Variants in DGKB observed in about 807,000 individuals in gnomAD.
DGKB encodes 90 kDa diacylglycerol kinase.
Under a neutral mutation model 114.3 loss-of-function variants are expected in DGKB, and 67 were observed. That is an observed-to-expected ratio of 0.59 (90% CI 0.48 to 0.72). The LOEUF (loss-of-function observed/expected upper bound fraction) is 0.72, where lower values mean the gene tolerates loss of function less well. Ranked by LOEUF, DGKB falls within the 30% of genes least tolerant of loss-of-function variation. The probability of loss-of-function intolerance (pLI) is 0.00; values close to 1 mark genes in which losing one functional copy is unlikely to be tolerated. For missense variants in DGKB, 907 were observed against 975.2 expected (o/e 0.93, Z 0.93); for synonymous variants, 398 against 323.1 (o/e 1.23, Z -2.49).
chr7:14,815,601 G>T (rs911912845), intron 2 of DGKB, among the ~76,000 whole-genome samples: 2 of 152,220 alleles, frequency 1.3e-5, no homozygotes, highest in African/African-American at 4.8e-5. Flanking sequence ...CTGACAAAGA[G>T]TTATGTGCCT....
chr7:14,942,985 C>A (rs533617730), intron 1 of DGKB, among the ~76,000 whole-genome samples: 1 of 151,678 alleles, frequency 6.6e-6, no homozygotes, highest in Non-Finnish European at 1.5e-5. Flanking sequence ...TCTTTGAGTA[C>A]AGGGATGTAG....
At chr7:14,652,236 C>G (rs1325435882) in intron 13 of DGKB, among the ~76,000 whole-genome samples, 1 of 152,012 alleles carries the variant, frequency 6.6e-6, no homozygotes, top group African/African-American at 2.4e-5. Context: ...ATCACACTAC[C>G]TGACTTCAAA....
At chr7:14,230,226 C>CAAAT (rs952923009) in intron 23 of DGKB, among the ~76,000 whole-genome samples, 2 of 151,960 alleles carry the variant, frequency 1.3e-5, no homozygotes, top group African/African-American at 4.8e-5. Flanking sequence ...TTTTACTTGG[C>CAAAT]AAATACACAC....
intron 23 of DGKB, among the ~76,000 whole-genome samples, chr7:14,247,847 T>C (rs1794703557): frequency 6.6e-6 from 1 of 152,162 alleles, no homozygotes; most frequent in Admixed American, 6.5e-5. Flanking sequence ...GATTTTTAGT[T>C]TGATGCAATA....
intron 2 of DGKB, among the ~76,000 whole-genome samples, chr7:14,797,556 C>T (rs1386110894): frequency 6.6e-6 from 1 of 152,066 alleles, no homozygotes; most frequent in Non-Finnish European, 1.5e-5. Context: ...CAGGCTTTTT[C>T]AGAGGCTCTC....
intron 20 of DGKB, among the ~76,000 whole-genome samples, chr7:14,547,881 G>A (rs972339933): frequency 6.6e-6 from 1 of 152,190 alleles, no homozygotes; most frequent in African/African-American, 2.4e-5. Context: ...CTACATCCTG[G>A]AGCATTTTTT....
In DGKB at chr7:14,872,304, C is replaced by T. The variant is rs541793224; in HGVS notation, c.-188+30288G>A. 5.0e-4 allele frequency among the ~76,000 whole-genome samples: 76 copies of T among 152,294 alleles called. No homozygotes were observed. In the South Asian group the frequency reaches 0.015, roughly 30 times the overall value. On this transcript the variant is annotated intron_variant, in intron 1 of 25. Transcript: ENST00000402815. ...TACCTGCTACCACTAGCAACAATCA[C>T]AAATAAATGATTAAAACATTTTGCT...
intron 23 of DGKB, among the ~76,000 whole-genome samples, chr7:14,325,948 T>C (rs940047099): frequency 3.3e-5 from 5 of 152,148 alleles, no homozygotes; most frequent in Non-Finnish European, 7.4e-5. Context: ...TATTTAATCA[T>C]TGTTTAAAAT....
intron 23 of DGKB, among the ~76,000 whole-genome samples, chr7:14,247,678 A>G (rs1432702495): frequency 6.6e-6 from 1 of 151,654 alleles, no homozygotes; most frequent in Non-Finnish European, 1.5e-5. Context: ...GGTCTTTGCA[A>G]ATTTTTTAAT....
chr7:14,330,875 A>T (rs1809606273), intron 23 of DGKB, among the ~76,000 whole-genome samples: 1 of 152,012 alleles, frequency 6.6e-6, no homozygotes, highest in South Asian at 2.1e-4. Flanking sequence ...AGGATAGCCA[A>T]ACAAAGGATA....
intron 1 of DGKB, among the ~76,000 whole-genome samples, chr7:14,869,826 G>A (rs1852197705): frequency 6.6e-6 from 1 of 151,870 alleles, no homozygotes. Flanking sequence ...AGTCAGTATT[G>A]ATGGGTTATG....
intron 23 of DGKB, among the ~76,000 whole-genome samples, chr7:14,319,061 C>T (rs930009662): frequency 4.0e-5 from 6 of 150,110 alleles, no homozygotes; most frequent in Non-Finnish European, 5.9e-5. Context: ...ACTGCATATG[C>T]TCACTCATAG....
chr7:14,299,073 G>C (rs1803062089), intron 23 of DGKB, among the ~76,000 whole-genome samples: 1 of 152,098 alleles, frequency 6.6e-6, no homozygotes, highest in Non-Finnish European at 1.5e-5. Flanking sequence ...CGAGAAATAG[G>C]AATGCCTTTA....
Position 14,655,227 on chromosome 7 carries a change from G to T in DGKB, c.1134+17702C>A, listed in dbSNP as rs936820455. On this transcript the variant is annotated intron_variant, in intron 13 of 25. Transcript: ENST00000402815. ...AATAATCCCATTAAGAGGTGGAAAA[G>T]AATCTGAAAGACATTTCTCAGAAGA... Among the ~76,000 whole-genome samples the T allele has an allele frequency of 6.6e-5, 10 of 151,642 alleles. No individual in the cohort carries two copies. The East Asian group carries it at 1.5e-3, about 23-fold the overall frequency.
chr7:14,702,659 T>C (rs966555304), intron 6 of DGKB, among the ~76,000 whole-genome samples: 1 of 151,928 alleles, frequency 6.6e-6, no homozygotes, highest in African/African-American at 2.4e-5. Context: ...GAAGTACGGG[T>C]TTGTCTTGGG....
chr7:14,937,451 T>C (rs997293004), intron 1 of DGKB, among the ~76,000 whole-genome samples: 3 of 152,238 alleles, frequency 2.0e-5, no homozygotes, highest in Admixed American at 6.5e-5. Flanking sequence ...TAATGGAGAC[T>C]CCAAGTTTAT....
intron 23 of DGKB, among the ~76,000 whole-genome samples, chr7:14,213,823 G>A (rs989483769): frequency 3.9e-5 from 6 of 152,078 alleles, no homozygotes; most frequent in Non-Finnish European, 8.8e-5. Flanking sequence ...CATCATACAA[G>A]TCTGAACAAT....
intron 23 of DGKB, among the ~76,000 whole-genome samples, chr7:14,318,355 T>C (rs1286103183): frequency 9.2e-5 from 14 of 151,576 alleles, no homozygotes; most frequent in African/African-American, 1.5e-4. Context: ...AGGCAACCTA[T>C]AGAATGGGAG....
At chr7:14,682,928 A>T (rs546560766) in intron 10 of DGKB, 87 bp from the exon 11 acceptor site, 19 of 879,882 alleles carry the variant, frequency 2.2e-5, no homozygotes, top group Non-Finnish European at 3.3e-5. Context: ...ACAGAACCTC[A>T]TTTCATATCC....
Sources: gnomAD v4.1 joint callset for allele counts (sites outside exome capture counted in the v4.1 genomes callset) on GRCh38, gnomAD v4.1.1 for gene constraint, MANE v1.5 for transcripts, NCBI Gene and HGNC (gene_info 2026-07-23, HGNC 2026-07-21) for gene names.